The following ADGRF5 variants were observed in gnomAD, a reference collection of about 807,000 sequenced individuals.
The protein encoded by ADGRF5 is adhesion G protein-coupled receptor F5.
In ADGRF5, 75 loss-of-function variants were observed where a neutral mutation model predicts 132.3. The observed-to-expected ratio is 0.57, with a 90% CI of 0.47 to 0.69. The LOEUF is 0.69. Among genes scored for constraint, ADGRF5 ranks in the 30% least tolerant of loss-of-function variants. The probability of loss-of-function intolerance (pLI) is 0.00; values close to 1 mark genes in which losing one functional copy is unlikely to be tolerated. For missense variants in ADGRF5, 1,516 were observed against 1,630.6 expected, an observed-to-expected ratio of 0.93 and a Z score of 1.21; for synonymous variants, 629 against 597.6, an observed-to-expected ratio of 1.05 and a Z score of -0.77.
chr6:46,944,282 C>T (rs1246723523), intron 1 of ADGRF5, among the ~76,000 whole-genome samples: 3 of 152,184 alleles, frequency 2.0e-5, no homozygotes, highest in Admixed American at 6.5e-5. Context: ...GGTTCAAGCT[C>T]CGGTGAGAAT....
intron 1 of ADGRF5, among the ~76,000 whole-genome samples, chr6:46,953,681 A>ATC (rs1561847036): frequency 6.6e-4 from 86 of 130,482 alleles, no homozygotes; most frequent in African/African-American, 2.4e-3. Context: ...ATATATATAT[A>ATC]TATATATATC....
chr6:46,937,582 C>A (rs1365296816), intron 1 of ADGRF5, among the ~76,000 whole-genome samples: 2 of 152,000 alleles, frequency 1.3e-5, no homozygotes, highest in Non-Finnish European at 2.9e-5. Flanking sequence ...GTACTAAACC[C>A]CATATATACC....
intron 3 of ADGRF5, among the ~76,000 whole-genome samples, chr6:46,896,209 G>T (rs550596824): frequency 2.8e-4 from 42 of 152,256 alleles, no homozygotes; most frequent in African/African-American, 8.9e-4. Context: ...CTCTGTGGCA[G>T]CCGCTCAGCT....
chr6:46,926,078 T>C (rs1777229519), upstream of ADGRF5, among the ~76,000 whole-genome samples: 3 of 152,194 alleles, frequency 2.0e-5, no homozygotes, highest in Admixed American at 2.0e-4. Context: ...GGCAGTTTCA[T>C]AGTATACAAA....
At chr6:46,880,924 C>G (rs534504975) in intron 8 of ADGRF5, among the ~76,000 whole-genome samples, 21 of 151,664 alleles carry the variant, frequency 1.4e-4, no homozygotes, top group African/African-American at 4.8e-4. Flanking sequence ...GGTCCCATCT[C>G]TACAAAAAAT....
At chr6:46,862,853 C>T (rs149538741) in intron 15 of ADGRF5, 35 bp downstream of exon 15, 2 of 1,407,486 alleles carry the variant, frequency 1.4e-6, no homozygotes, top group Non-Finnish European at 2.0e-6. Context: ...TAGATCGCCC[C>T]ACCAAGAGCT....
chr6:46,904,294 A>C (rs1350559007), intron 2 of ADGRF5, among the ~76,000 whole-genome samples: 1 of 152,240 alleles, frequency 6.6e-6, no homozygotes, highest in African/African-American at 2.4e-5. Flanking sequence ...AGGTGGAAGC[A>C]ACTCATGTCC....
At chr6:46,867,797 G>A (rs1032501424) in intron 12 of ADGRF5, among the ~76,000 whole-genome samples, 43 of 7,994 alleles carry the variant, frequency 5.4e-3, no homozygotes, top group South Asian at 0.077. Context: ...TTCCTGCTGC[G>A]GGGGGGAAGA....
chr6:46,854,658 A>G (rs1034781489), intron 20 of ADGRF5: 21 of 1,001,862 alleles, frequency 2.1e-5, no homozygotes, highest in Non-Finnish European at 2.6e-5. Flanking sequence ...GACTGTGCAC[A>G]GGGAGTGGGC....
At chr6:46,936,181 T>A (rs1352246149) in intron 1 of ADGRF5, among the ~76,000 whole-genome samples, 5 of 152,142 alleles carry the variant, frequency 3.3e-5, no homozygotes, top group Admixed American at 3.3e-4. Flanking sequence ...AAAATCAGTC[T>A]CAGAGAGGTT....
upstream of ADGRF5, among the ~76,000 whole-genome samples, chr6:46,923,177 C>A (rs560781239): frequency 2.0e-5 from 3 of 152,300 alleles, no homozygotes; most frequent in East Asian, 5.8e-4. Flanking sequence ...TCCCCAGCCT[C>A]GGCCTCCCAA....
At chr6:46,880,542 T>G (rs2150835197) in intron 8 of ADGRF5, among the ~76,000 whole-genome samples, 1 of 152,300 alleles carries the variant, frequency 6.6e-6, no homozygotes, top group South Asian at 2.1e-4. Flanking sequence ...AAGAATTTCC[T>G]AATACTCATG....
intron 1 of ADGRF5, among the ~76,000 whole-genome samples, chr6:46,908,482 G>A (rs188370136): frequency 7.2e-5 from 11 of 152,170 alleles, no homozygotes; most frequent in Admixed American, 4.6e-4. Context: ...GCCTCCCTTC[G>A]AATCTGATAA....
chr6:46,906,230 T>TTGGAATGTGTTCTA (rs1775350291), intron 2 of ADGRF5, among the ~76,000 whole-genome samples: 1 of 152,228 alleles, frequency 6.6e-6, no homozygotes, highest in South Asian at 2.1e-4. Flanking sequence ...TTAATGTCTT[T>TTGGAATGTGTTCTA]TGGAATGTGT....
At chr6:46,922,346 G>A (rs945713487), upstream of ADGRF5, among the ~76,000 whole-genome samples, 1 of 152,196 alleles carries the variant, frequency 6.6e-6, no homozygotes, top group African/African-American at 2.4e-5. Flanking sequence ...ACCTAGAGAA[G>A]TTGCTTAGTC....
In ADGRF5 at chr6:46,913,262, C is replaced by T. The variant is rs112502778; in HGVS notation, c.-24-6476G>A. On this transcript the variant is annotated intron_variant, in intron 1 of 20. Transcript: ENST00000283296. ...CCTTTAATCCCAGCACTTTGGAAGG[C>T]CAAGGGGGGCGGATCACCAGATGTC... Among the ~76,000 whole-genome samples the T allele has an allele frequency of 4.4e-3, 673 of 152,106 alleles. 22 individuals carry two copies. The East Asian group carries it at 0.08, about 18-fold the overall frequency.
At chr6:46,879,029 GT>G (rs1390881537) in intron 9 of ADGRF5, among the ~76,000 whole-genome samples, 5 of 152,046 alleles carry the variant, frequency 3.3e-5, no homozygotes, top group African/African-American at 1.2e-4. Context: ...CGATGGATAC[GT>G]TCACTCTCTT....
chr6:46,870,760 T>A, intron 11 of ADGRF5: 2 of 399,798 alleles, frequency 5.0e-6, no homozygotes, highest in Non-Finnish European at 1.0e-5. Flanking sequence ...CTAAGACAGG[T>A]CCCAGTTTTG....
At chr6:46,940,010 AT>A (rs75977602) in intron 1 of ADGRF5, among the ~76,000 whole-genome samples, 3,816 of 151,020 alleles carry the variant, frequency 0.025, 107 homozygotes, top group South Asian at 0.13. Context: ...TTTTATGTGG[AT>A]TTTTTTTTTC....
Sources: allele counts gnomAD v4.1 joint callset (sites outside exome capture counted in the v4.1 genomes callset), GRCh38; gene constraint gnomAD v4.1.1; transcripts MANE v1.5; gene names NCBI Gene and HGNC (gene_info 2026-07-23, HGNC 2026-07-21).